ATP9B: variants seen among roughly 807,000 people sequenced by gnomAD.
ATP9B encodes probable phospholipid-transporting ATPase IIB.
In ATP9B, 110 loss-of-function variants were observed where a neutral mutation model predicts 146.1. That is an observed-to-expected ratio of 0.75 (90% CI 0.65 to 0.88). The LOEUF (loss-of-function observed/expected upper bound fraction) is 0.88. Among genes scored for constraint, ATP9B ranks in the 40% least tolerant of loss-of-function variants. ATP9B has a pLI of 0.00. For synonymous variants in ATP9B, 604 were observed against 569.7 expected (o/e 1.06, Z -0.86); for missense variants, 1,499 against 1,496.4 (o/e 1.00, Z -0.03).
chr18:79,358,925 C>CT (rs1432330601), intron 25 of ATP9B, among the ~76,000 whole-genome samples: 2 of 145,516 alleles, frequency 1.4e-5, no homozygotes, highest in East Asian at 4.2e-4. Context: ...CTGGAGGTGT[C>CT]TGTGTGAGGG....
At position 79,171,878 on chromosome 18, in the gene ATP9B, G is replaced by GTTTT. The variant is rs144146479; in HGVS notation, c.779-4929_779-4926dup. Among the ~76,000 whole-genome samples, 66 of 146,654 alleles carry GTTTT rather than the reference G, an allele frequency of 4.5e-4. 1 individual carries two copies. The East Asian group carries it at 6.4e-3, about 14-fold the overall frequency. On this transcript the variant is annotated intron_variant, in intron 7 of 29. Coordinates refer to ENST00000426216, the MANE Select transcript of ATP9B (RefSeq NM_198531.5). ...AACCATTCATGACCTTCGGAGACTC[G>GTTTT]TTTTTTTTTGTTTGTTTGTTTGTTT...
At chr18:79,168,127 G>C (rs1042309754) in intron 7 of ATP9B, among the ~76,000 whole-genome samples, 4 of 152,194 alleles carry the variant, frequency 2.6e-5, no homozygotes, top group Non-Finnish European at 4.4e-5. Flanking sequence ...CGCCACTCCA[G>C]AGGCGCCACT....
At chr18:79,287,493 T>C (rs1400817114) in intron 13 of ATP9B, among the ~76,000 whole-genome samples, 1 of 152,208 alleles carries the variant, frequency 6.6e-6, no homozygotes, top group Non-Finnish European at 1.5e-5. Context: ...TGCGTCTATT[T>C]GATTCTTCTC....
In ATP9B at chr18:79,096,525, A is replaced by C; in HGVS notation, c.169A>C (p.Met57Leu). 3.1e-6 allele frequency: 5 copies of C among 1,614,064 alleles called. No homozygotes were observed. The highest frequency in any genetic ancestry group is 4.2e-6 in the Non-Finnish European group (5 of 1,179,980). ...GCATTTGGATGAAATGCCACTAATG[A>C]TGTCTGAAGAAGGCTTTGAGAATGA... Reference protein sequence around the residue: ...SAHLDEMPLMMSEEGFENEES... With the variant: ...SAHLDEMPLMLSEEGFENEES... The change falls in exon 2 of 30, where the codon ATG becomes CTG. Residue 57 changes from methionine (M) to leucine (L), a missense_variant. Coordinates refer to ENST00000426216, the MANE Select transcript of ATP9B (RefSeq NM_198531.5).
intron 8 of ATP9B, among the ~76,000 whole-genome samples, chr18:79,189,959 C>T (rs746648053): frequency 1.7e-4 from 26 of 152,230 alleles, no homozygotes; most frequent in Admixed American, 3.3e-4. Context: ...CTGTGATGCA[C>T]AGGGTCCTGG....
intron 3 of ATP9B, 49 bp from the exon 4 acceptor site, chr18:79,113,192 A>C: frequency 1.9e-6 from 2 of 1,049,980 alleles, no homozygotes; most frequent in Middle Eastern, 2.9e-4. Flanking sequence ...TTAGGTATTA[A>C]AATTTTTTCC....
chr18:79,323,178 C>T (rs1568681496), intron 15 of ATP9B, among the ~76,000 whole-genome samples: 1 of 151,150 alleles, frequency 6.6e-6, no homozygotes, highest in Admixed American at 6.6e-5. Context: ...CTCCGTTTAT[C>T]GTTGCTTCGC....
intron 1 of ATP9B, among the ~76,000 whole-genome samples, chr18:79,073,082 G>A (rs914528508): frequency 5.4e-5 from 8 of 148,724 alleles, no homozygotes; most frequent in African/African-American, 7.6e-5. Context: ...GCCGCCAGGC[G>A]GAGACGCTCC....
At chr18:79,140,436 G>A (rs752611321) in intron 5 of ATP9B, among the ~76,000 whole-genome samples, 2 of 152,024 alleles carry the variant, frequency 1.3e-5, no homozygotes, top group African/African-American at 2.4e-5. Context: ...GACTGGTAGT[G>A]GGGTTGGTGG....
intron 15 of ATP9B, among the ~76,000 whole-genome samples, chr18:79,319,311 A>C (rs1408573222): frequency 6.6e-6 from 1 of 152,210 alleles, no homozygotes; most frequent in East Asian, 1.9e-4. Flanking sequence ...ATGCCCTTGT[A>C]TATGTAGTGT....
chr18:79,227,129 G>A (rs1323826162), intron 11 of ATP9B, among the ~76,000 whole-genome samples: 2 of 152,010 alleles, frequency 1.3e-5, no homozygotes. Flanking sequence ...CTGTCTTTAA[G>A]CTTTAAGCTG....
intron 14 of ATP9B, 22 bp from the exon 15 acceptor site, chr18:79,306,964 T>C (rs762967413): frequency 4.3e-6 from 7 of 1,612,420 alleles, no homozygotes; most frequent in Non-Finnish European, 8.5e-7. Context: ...TCTTTAATTA[T>C]GTGACGTTTC....
intron 11 of ATP9B, among the ~76,000 whole-genome samples, chr18:79,253,105 G>C (rs1045708876): frequency 6.6e-6 from 1 of 152,184 alleles, no homozygotes; most frequent in African/African-American, 2.4e-5. Flanking sequence ...TGCCTGAGCC[G>C]GTGACCAGCG....
chr18:79,264,361 C>G (rs1368564611), intron 12 of ATP9B, among the ~76,000 whole-genome samples: 2 of 152,124 alleles, frequency 1.3e-5, no homozygotes, highest in African/African-American at 4.8e-5. Context: ...TGTGAACTTT[C>G]TAAGTCTTTT....
chr18:79,231,803 T>TACAC (rs1555777826), intron 11 of ATP9B, among the ~76,000 whole-genome samples: 3,684 of 114,740 alleles, frequency 0.032, 91 homozygotes, highest in Non-Finnish European at 0.043. Context: ...TATATATATA[T>TACAC]ACACACACAC....
At chr18:79,363,914 C>G (rs940286801) in intron 26 of ATP9B, 2 of 151,840 alleles carry the variant, frequency 1.3e-5, no homozygotes, top group Non-Finnish European at 2.9e-5. Context: ...CATTGACAAG[C>G]TCACTCTAGA....
intron 15 of ATP9B, among the ~76,000 whole-genome samples, chr18:79,320,767 TG>T (rs2096711048): frequency 2.0e-5 from 2 of 99,464 alleles, no homozygotes; most frequent in Non-Finnish European, 4.9e-5. Context: ...GGTTTTACAC[TG>T]GGAGGGAGCT....
intron 1 of ATP9B, among the ~76,000 whole-genome samples, chr18:79,080,990 G>A (rs929731859): frequency 5.9e-5 from 9 of 152,210 alleles, no homozygotes; most frequent in African/African-American, 2.2e-4. Context: ...TGGTGGATAA[G>A]CTTTTTGATG....
At chr18:79,233,067 A>C (rs192709854) in intron 11 of ATP9B, among the ~76,000 whole-genome samples, 81 of 152,262 alleles carry the variant, frequency 5.3e-4, no homozygotes, top group Middle Eastern at 3.4e-3. Flanking sequence ...CAAGGTGGGC[A>C]GATTGCTTGA....
Sources: allele counts gnomAD v4.1 joint callset (sites outside exome capture counted in the v4.1 genomes callset), GRCh38; gene constraint gnomAD v4.1.1; transcripts MANE v1.5; gene names NCBI Gene and HGNC (gene_info 2026-07-23, HGNC 2026-07-21).